The following DCC variants were observed in gnomAD, a reference collection of about 807,000 sequenced individuals.
DCC encodes netrin receptor DCC.
A neutral mutation model predicts 172.5 loss-of-function variants in DCC; 58 were observed. The ratio of observed to expected loss-of-function variants is 0.34; its 90% CI spans 0.27 to 0.42. DCC has a LOEUF of 0.42. Ranked by LOEUF, DCC falls within the 10% of genes least tolerant of loss-of-function variation. The probability of loss-of-function intolerance (pLI) is 1.00; values close to 1 mark genes in which losing one functional copy is unlikely to be tolerated. For synonymous variants in DCC, 709 were observed against 644.5 expected (o/e 1.10, Z -1.52); for missense variants, 1,740 against 1,791.0 (o/e 0.97, Z 0.51).
At chr18:52,449,774 A>G (rs1222141114) in intron 1 of DCC, among the ~76,000 whole-genome samples, 2 of 152,168 alleles carry the variant, frequency 1.3e-5, no homozygotes, top group South Asian at 4.1e-4. Context: ...TTCTCATGAT[A>G]GTGAATAAGT....
chr18:53,481,098 G>C (rs2045826527), intron 25 of DCC: 2 of 152,166 alleles, frequency 1.3e-5, no homozygotes, highest in Admixed American at 1.3e-4. Flanking sequence ...AGAGGAGAGA[G>C]AGAGAAAAAC....
At chr18:53,434,059 C>T (rs1232356954) in intron 21 of DCC, among the ~76,000 whole-genome samples, 1 of 152,032 alleles carries the variant, frequency 6.6e-6, no homozygotes, top group African/African-American at 2.4e-5. Context: ...CTTGGGAAAG[C>T]TTTAGTAAGG....
intron 1 of DCC, among the ~76,000 whole-genome samples, chr18:52,611,709 G>A (rs1022670709): frequency 6.6e-6 from 1 of 152,132 alleles, no homozygotes; most frequent in Non-Finnish European, 1.5e-5. Context: ...TTTTAGAAAA[G>A]TTAAGTAAAC....
chr18:53,524,912 C>T (rs1219753448), intron 27 of DCC, among the ~76,000 whole-genome samples: 2 of 151,762 alleles, frequency 1.3e-5, no homozygotes, highest in African/African-American at 4.8e-5. Context: ...CATGTGTGAA[C>T]TGAGAATAAG....
chr18:53,513,283 G>C (rs975298992), intron 27 of DCC, among the ~76,000 whole-genome samples: 2 of 152,120 alleles, frequency 1.3e-5, no homozygotes, highest in Admixed American at 1.3e-4. Flanking sequence ...GTCACCACCA[G>C]GCCTGCCCTA....
intron 1 of DCC, among the ~76,000 whole-genome samples, chr18:52,435,551 G>T (rs1283990567): frequency 6.6e-6 from 1 of 152,174 alleles, no homozygotes. Flanking sequence ...ACCCAGCTCT[G>T]ACTGGTTTCT....
chr18:53,207,193 G>C (rs1483233515), intron 10 of DCC, among the ~76,000 whole-genome samples: 1 of 152,120 alleles, frequency 6.6e-6, no homozygotes, highest in Non-Finnish European at 1.5e-5. Context: ...GCCATGAGAG[G>C]CTCAAATAAT....
chr18:53,220,841 G>A (rs1248447531), intron 12 of DCC, among the ~76,000 whole-genome samples: 1 of 151,824 alleles, frequency 6.6e-6, no homozygotes, highest in Non-Finnish European at 1.5e-5. Context: ...AATGTCCAGG[G>A]GCCTATGATT....
intron 1 of DCC, among the ~76,000 whole-genome samples, chr18:52,476,511 C>G (rs1989099099): frequency 6.6e-6 from 1 of 152,190 alleles, no homozygotes. Flanking sequence ...ATACCACTGC[C>G]TTTTAAGCAT....
intron 5 of DCC, among the ~76,000 whole-genome samples, chr18:53,002,688 A>G (rs1450449178): frequency 6.6e-6 from 1 of 152,140 alleles, no homozygotes; most frequent in Admixed American, 6.6e-5. Flanking sequence ...TTTAAGTTTT[A>G]GGGTACATGT....
At chr18:53,373,111 TAAA>T (rs2144961850) in intron 15 of DCC, among the ~76,000 whole-genome samples, 1 of 152,302 alleles carries the variant, frequency 6.6e-6, no homozygotes, top group African/African-American at 2.4e-5. Flanking sequence ...GCAGCTGTAT[TAAA>T]AACTAGGTCA....
intron 1 of DCC, among the ~76,000 whole-genome samples, chr18:52,630,197 C>T (rs2034649176): frequency 6.6e-6 from 1 of 152,076 alleles, no homozygotes; most frequent in African/African-American, 2.4e-5. Context: ...CTTTAGAAAT[C>T]TGTTAGAAAT....
chr18:52,509,685 C>G (rs1197524863), intron 1 of DCC, among the ~76,000 whole-genome samples: 5 of 152,220 alleles, frequency 3.3e-5, no homozygotes, highest in African/African-American at 1.2e-4. Flanking sequence ...ACCCACTTAC[C>G]CGAAGGCATT....
At position 53,351,367 on chromosome 18, in the gene DCC, CTGTATATATATAT is replaced by C. The variant is rs1568074926; in HGVS notation, c.2359+11461_2359+11473del. On this transcript the variant is annotated intron_variant, in intron 15 of 28. Coordinates refer to ENST00000442544, the MANE Select transcript of DCC (RefSeq NM_005215.4). ...TATATATACACAGTATATATATATACTGTATATATATATACAGTATATATATATACAGTGTATA... is the reference window on the plus strand; with the variant it reads ...TATATATACACAGTATATATATATACACAGTATATATATATACAGTGTATA... Among the ~76,000 whole-genome samples, 38 of 32,984 alleles carry C rather than the reference CTGTATATATATAT, an allele frequency of 1.2e-3. 1 individual carries two copies. The highest frequency in any genetic ancestry group is 2.7e-3 in the African/African-American group (26 of 9,804). The allele number at this position is 32,984 out of a possible 152,430, so 21.6% of individuals were successfully genotyped here.
intron 22 of DCC, 60 bp from the exon 23 acceptor site, chr18:53,450,440 T>C (rs2045394418): frequency 1.3e-6 from 2 of 1,587,722 alleles, no homozygotes; most frequent in South Asian, 2.2e-5. Flanking sequence ...CCAAGAGAGC[T>C]TGGTAAAACT....
At chr18:53,231,679 T>A (rs1410946078) in intron 12 of DCC, among the ~76,000 whole-genome samples, 1 of 152,112 alleles carries the variant, frequency 6.6e-6, no homozygotes, top group African/African-American at 2.4e-5. Flanking sequence ...GAGTATTAAT[T>A]GGATTGAAAC....
intron 12 of DCC, among the ~76,000 whole-genome samples, chr18:53,252,779 C>A (rs1209523894): frequency 6.6e-6 from 1 of 151,952 alleles, no homozygotes; most frequent in Non-Finnish European, 1.5e-5. Flanking sequence ...ACAGAACAGA[C>A]TAAAGCCCTA....
At chr18:53,068,498 A>G (rs2042606401) in intron 7 of DCC, among the ~76,000 whole-genome samples, 1 of 148,740 alleles carries the variant, frequency 6.7e-6, no homozygotes, top group African/African-American at 2.5e-5. Flanking sequence ...CGCCAGTCAC[A>G]GAACAGGAGA....
At chr18:53,367,756 T>G (rs1461194217) in intron 15 of DCC, among the ~76,000 whole-genome samples, 1 of 152,174 alleles carries the variant, frequency 6.6e-6, no homozygotes, top group East Asian at 1.9e-4. Flanking sequence ...ACATCACATA[T>G]TAGTGAAATG....
Sources: allele counts gnomAD v4.1 joint callset (sites outside exome capture counted in the v4.1 genomes callset), GRCh38; gene constraint gnomAD v4.1.1; transcripts MANE v1.5; gene names NCBI Gene and HGNC (gene_info 2026-07-23, HGNC 2026-07-21).